TMEM80: variants seen among roughly 807,000 people sequenced by gnomAD.
TMEM80 encodes transmembrane protein 80.
A neutral mutation model predicts 13.6 loss-of-function variants in TMEM80; 16 were observed. That is an observed-to-expected ratio of 1.17 (90% confidence interval 0.79 to 1.78). The LOEUF is 1.78. TMEM80 is among the 40% of genes most tolerant of loss of function. TMEM80 has a pLI of 0.00. For missense variants in TMEM80, 167 were observed against 184.6 expected, an observed-to-expected ratio of 0.90 and a Z score of 0.55; for synonymous variants, 92 against 89.5, an observed-to-expected ratio of 1.03 and a Z score of -0.16.
chr11:701,943 G>A (rs746926371), intron 4 of TMEM80, among the ~76,000 whole-genome samples: 11 of 152,282 alleles, frequency 7.2e-5, no homozygotes, highest in East Asian at 1.9e-4. Flanking sequence ...AGCCCTCTGC[G>A]TGCTCATGGT....
At chr11:699,043 G>A in intron 2 of TMEM80, 155 bp downstream of exon 2, 3 of 886,250 alleles carry the variant, frequency 3.4e-6, no homozygotes, top group Admixed American at 3.9e-5. Flanking sequence ...GAGAGTTGAT[G>A]TAACTTCCTC....
At chr11:701,934 G>A (rs1861516496) in intron 4 of TMEM80, among the ~76,000 whole-genome samples, 1 of 152,214 alleles carries the variant, frequency 6.6e-6, no homozygotes, top group Admixed American at 6.5e-5. Context: ...CAGACTTCCA[G>A]CCCTCTGCGT....
chr11:703,843 G>A lies in TMEM80; in HGVS notation c.*693G>A. ...CAGGGCTAAGGCCGGGGATGAGACT[G>A]CAGGAGAGAGAGCAGCGGAGGGCCA... is the stretch of plus-strand genomic sequence containing the variant. On this transcript the variant is annotated 3_prime_UTR_variant, in exon 5 of 5. Coordinates refer to ENST00000397510, the MANE Select transcript of TMEM80 (RefSeq NM_001042463.3). 1.6e-6 allele frequency: 2 copies of A among 1,236,212 alleles called. No homozygotes were observed. The highest frequency in any genetic ancestry group is 2.0e-6 in the Non-Finnish European group (2 of 991,076). 76.6% of individuals were successfully genotyped at this position (1,236,212 alleles called of 1,614,324 possible). A position where few individuals can be genotyped will look rare whatever the true frequency, so the allele number is the denominator to read the frequency against.
At chr11:696,165 G>A (rs2133445406) in intron 1 of TMEM80, among the ~76,000 whole-genome samples, 1 of 152,292 alleles carries the variant, frequency 6.6e-6, no homozygotes, top group Admixed American at 6.5e-5. Context: ...GGCGGGATGG[G>A]CGCAGGGTTT....
upstream of TMEM80, chr11:695,729 G>A (rs1328384071): frequency 5.6e-6 from 7 of 1,241,054 alleles, no homozygotes; most frequent in South Asian, 1.8e-4. Flanking sequence ...GCGCGGTCGG[G>A]CCCCTTCGTC....
At chr11:700,560 G>T (rs1861404143) in intron 3 of TMEM80, 55 bp from the exon 4 acceptor site, 3 of 1,359,796 alleles carry the variant, frequency 2.2e-6, no homozygotes, top group Non-Finnish European at 2.1e-6. Flanking sequence ...AAGCTGAGGT[G>T]GCTGCTGCTG....
chr11:702,497 T>A (rs1474724639), intron 4 of TMEM80, among the ~76,000 whole-genome samples: 2 of 152,332 alleles, frequency 1.3e-5, no homozygotes, highest in South Asian at 2.1e-4. Context: ...CCCATTTGTT[T>A]GCTAAATACG....
chr11:696,381 TC>T (rs1564958937), intron 1 of TMEM80, among the ~76,000 whole-genome samples: 1 of 152,206 alleles, frequency 6.6e-6, no homozygotes, highest in Non-Finnish European at 1.5e-5. Flanking sequence ...GTGCGTGTTC[TC>T]TAGTAATTAG....
chr11:703,319 G>A lies in TMEM80; in HGVS notation c.*169G>A. ...TGGCAGGAGTGGGAGCAGGAGCCAG[G>A]GCAGAACAAACTGCTGGAGGCCCTG... On this transcript the variant is annotated 3_prime_UTR_variant, in exon 5 of 5. Transcript: ENST00000397510. 7.1e-7 allele frequency: 1 copy of A among 1,414,734 alleles called. No homozygotes were observed. The highest frequency in any genetic ancestry group is 9.2e-7 in the Non-Finnish European group (1 of 1,083,526). The allele number at this position is 1,414,734 out of a possible 1,614,324, so 87.6% of individuals were successfully genotyped here.
At chr11:698,255 AAGG>A (rs749015994) in intron 1 of TMEM80, among the ~76,000 whole-genome samples, 6 of 152,080 alleles carry the variant, frequency 3.9e-5, no homozygotes, top group Non-Finnish European at 5.9e-5. Context: ...CAGAATCAAA[AAGG>A]AGGAAAGAGA....
rs1861613894 is a variant in TMEM80, at chr11:703,973, T to C, written c.*823T>C. On this transcript the variant is annotated 3_prime_UTR_variant, in exon 5 of 5. Transcript: ENST00000397510. ...TTTTTTCCCATTCCCAGATTTACTA[T>C]CAGTTCTCCTTAAAAAGTATCTAAG... 3 of 1,230,322 alleles carry C rather than the reference T, an allele frequency of 2.4e-6. No individual in the cohort carries two copies. The African/African-American group carries it at 4.7e-5, about 19-fold the overall frequency. The allele number at this position is 1,230,322 out of a possible 1,614,324, so 76.2% of individuals were successfully genotyped here. A position where few individuals can be genotyped will look rare whatever the true frequency, so the allele number is the denominator to read the frequency against.
chr11:698,347 C>T (rs1861294377), intron 1 of TMEM80, among the ~76,000 whole-genome samples: 1 of 152,172 alleles, frequency 6.6e-6, no homozygotes, highest in South Asian at 2.1e-4. Context: ...GATAAAAAGA[C>T]TGGACAGCTG....
chr11:700,978 G>A (rs942561526), intron 4 of TMEM80: 2 of 433,142 alleles, frequency 4.6e-6, no homozygotes, highest in Non-Finnish European at 8.1e-6. Flanking sequence ...ATGGCACTGA[G>A]ATCAGAAAAG....
At chr11:695,989 A>G in intron 1 of TMEM80, 143 bp downstream of exon 1, 1 of 699,306 alleles carries the variant, frequency 1.4e-6, no homozygotes, top group Non-Finnish European at 2.0e-6. Context: ...CCGTCACCCC[A>G]TCGAGAAGCG....
At chr11:704,719 C>T (rs1255849465), downstream of TMEM80, 3 of 1,185,666 alleles carry the variant, frequency 2.5e-6, no homozygotes, top group Non-Finnish European at 2.2e-6. Flanking sequence ...AACGCCATGG[C>T]TCCAGGTGAC....
At chr11:699,236 T>A (rs1336501716) in intron 2 of TMEM80, 2 of 355,474 alleles carry the variant, frequency 5.6e-6, no homozygotes, top group Non-Finnish European at 1.0e-5. Context: ...TTGTTTATGT[T>A]TTTTTAAGGA....
chr11:700,481 T>G, intron 3 of TMEM80, 134 bp from the exon 4 acceptor site: 2 of 803,322 alleles, frequency 2.5e-6, no homozygotes, highest in Non-Finnish European at 4.2e-6. Context: ...GAGCCAAGAT[T>G]GCGCCACTGA....
rs745842101 is a variant in TMEM80 at position 702,925 on chromosome 11, C to CG, written c.227-20_227-19insG. ...GGAGCGCCTCGCACCACCTTCCCTC[C>CG]CCTTTGCTCTGTTCTCCAGGCACCA... On this transcript the variant is annotated intron_variant, in intron 4 of 4. Coordinates refer to ENST00000397510, the MANE Select transcript of TMEM80 (RefSeq NM_001042463.3). 2 of 1,588,768 alleles carry CG rather than the reference C, an allele frequency of 1.3e-6. No individual in the cohort carries two copies. The highest frequency in any genetic ancestry group is 1.7e-6 in the Non-Finnish European group (2 of 1,164,380).
At chr11:697,738 G>C (rs1359049582) in intron 1 of TMEM80, 1 of 152,240 alleles carries the variant, frequency 6.6e-6, no homozygotes, top group African/African-American at 2.4e-5. Flanking sequence ...AGAACAGATC[G>C]GGTTTAAAGA....
Sources: allele counts gnomAD v4.1 joint callset (sites outside exome capture counted in the v4.1 genomes callset), GRCh38; gene constraint gnomAD v4.1.1; transcripts MANE v1.5; gene names NCBI Gene and HGNC (gene_info 2026-07-23, HGNC 2026-07-21).